ARHGAP24: variants seen among roughly 807,000 people sequenced by gnomAD.
ARHGAP24 encodes the protein rho GTPase-activating protein 24.
Under a neutral mutation model 76.4 loss-of-function variants are expected in ARHGAP24, and 50 were observed. The observed-to-expected ratio is 0.65, with a 90% CI of 0.52 to 0.83. The LOEUF is 0.83. ARHGAP24 is among the 40% of genes least tolerant of loss of function. The probability of loss-of-function intolerance (pLI) is 0.00; values close to 1 mark genes in which losing one functional copy is unlikely to be tolerated. For missense variants in ARHGAP24, 930 were observed against 914.2 expected (o/e 1.02, Z -0.22); for synonymous variants, 345 against 323.3 (o/e 1.07, Z -0.72).
intron 3 of ARHGAP24, among the ~76,000 whole-genome samples, chr4:85,797,233 C>T (rs1190841777): frequency 6.6e-6 from 1 of 151,674 alleles, no homozygotes; most frequent in South Asian, 2.1e-4. Flanking sequence ...AGTGCAGTGG[C>T]GCAATCTCGG....
chr4:85,834,473 C>T (rs888843800), intron 3 of ARHGAP24, among the ~76,000 whole-genome samples: 2 of 152,148 alleles, frequency 1.3e-5, no homozygotes, highest in Non-Finnish European at 2.9e-5. Flanking sequence ...TCACCCATCT[C>T]GCCACTTGCC....
At chr4:85,765,969 T>C in intron 3 of ARHGAP24, among the ~76,000 whole-genome samples, 1 of 152,192 alleles carries the variant, frequency 6.6e-6, no homozygotes, top group East Asian at 1.9e-4. Context: ...CAGGAATTTA[T>C]TTTATTTTCA....
chr4:85,768,243 A>AGAT (rs891733585), intron 3 of ARHGAP24, among the ~76,000 whole-genome samples: 11 of 152,210 alleles, frequency 7.2e-5, no homozygotes, highest in African/African-American at 2.7e-4. Context: ...CAAAATCTAA[A>AGAT]GATTGGATTT....
chr4:85,722,442 T>G (rs1039492083), intron 3 of ARHGAP24: 1 of 187,510 alleles, frequency 5.3e-6, no homozygotes, highest in East Asian at 1.4e-4. Flanking sequence ...TACTTAATAC[T>G]TGTAATACTG....
intron 3 of ARHGAP24, among the ~76,000 whole-genome samples, chr4:85,738,467 A>T (rs2624019): frequency 0.94 from 140,480 of 149,538 alleles, 66,648 homozygotes; most frequent in East Asian, 1. Flanking sequence ...TACAAACCTC[A>T]TGTCAGATAT....
intron 2 of ARHGAP24, among the ~76,000 whole-genome samples, chr4:85,673,261 T>G (rs1291396773): frequency 6.6e-6 from 1 of 152,220 alleles, no homozygotes; most frequent in African/African-American, 2.4e-5. Flanking sequence ...TTGGGACAGC[T>G]CTTTATCTTC....
At chr4:85,477,767 T>C (rs1033073784) in intron 1 of ARHGAP24, among the ~76,000 whole-genome samples, 1 of 152,214 alleles carries the variant, frequency 6.6e-6, no homozygotes, top group African/African-American at 2.4e-5. Context: ...ACGAGTGTTT[T>C]CTTTCCGGCT....
At chr4:85,586,073 C>T (rs1338508376) in intron 2 of ARHGAP24, among the ~76,000 whole-genome samples, 2 of 152,142 alleles carry the variant, frequency 1.3e-5, no homozygotes, top group Non-Finnish European at 2.9e-5. Flanking sequence ...GGAGCATTTG[C>T]CCCACTCTGG....
intron 3 of ARHGAP24, among the ~76,000 whole-genome samples, chr4:85,776,343 ATACAGTGAG>A (rs1463133294): frequency 6.6e-6 from 1 of 152,188 alleles, no homozygotes; most frequent in Non-Finnish European, 1.5e-5. Flanking sequence ...AATCTTCAAA[ATACAGTGAG>A]TATTCCCCAC....
intron 1 of ARHGAP24, among the ~76,000 whole-genome samples, chr4:85,508,067 T>A (rs114111945): frequency 0.02 from 2,859 of 143,838 alleles, 94 homozygotes; most frequent in African/African-American, 0.067. Context: ...TTTTTTTTTT[T>A]AATTCTTAGG....
chr4:85,827,461 C>CGTGTGTGTGTGTGTGTGTGTGTGT (rs56379272), intron 3 of ARHGAP24, among the ~76,000 whole-genome samples: 23 of 108,712 alleles, frequency 2.1e-4, no homozygotes, highest in Non-Finnish European at 2.9e-4. Flanking sequence ...GAAGTCTGCC[C>CGTGTGTGTGTGTGTGTGTGTGTGT]GTGTGTGTGT....
At chr4:85,556,464 G>A (rs1230987654) in intron 1 of ARHGAP24, among the ~76,000 whole-genome samples, 1 of 152,116 alleles carries the variant, frequency 6.6e-6, no homozygotes, top group East Asian at 1.9e-4. Context: ...GCTTGCTGGA[G>A]GTTTCAGCAT....
At chr4:85,739,282 T>G (rs2110058820) in intron 3 of ARHGAP24, among the ~76,000 whole-genome samples, 1 of 152,318 alleles carries the variant, frequency 6.6e-6, no homozygotes, top group East Asian at 1.9e-4. Flanking sequence ...GTGGTCAATA[T>G]GCATTTAACT....
intron 4 of ARHGAP24, among the ~76,000 whole-genome samples, 188 bp from the exon 5 acceptor site, chr4:85,941,878 A>C (rs1431159815): frequency 6.6e-6 from 1 of 152,210 alleles, no homozygotes; most frequent in Admixed American, 6.5e-5. Flanking sequence ...AGGCAGCATA[A>C]GGTAAATCAT....
intron 5 of ARHGAP24, among the ~76,000 whole-genome samples, chr4:85,961,059 A>G (rs1418734361): frequency 6.6e-6 from 1 of 152,102 alleles, no homozygotes; most frequent in Non-Finnish European, 1.5e-5. Context: ...GACCCCTCTT[A>G]CAAAGTAGTC....
chr4:85,961,611 G>A (rs1738257053), intron 5 of ARHGAP24, among the ~76,000 whole-genome samples: 1 of 152,052 alleles, frequency 6.6e-6, no homozygotes, highest in African/African-American at 2.4e-5. Flanking sequence ...TGAGTGACAT[G>A]CAGTAAAGTC....
intron 2 of ARHGAP24, among the ~76,000 whole-genome samples, chr4:85,668,733 C>T (rs968863907): frequency 4.6e-5 from 7 of 152,078 alleles, no homozygotes; most frequent in Admixed American, 2.0e-4. Flanking sequence ...TGATAGGCCT[C>T]ATGATCCAAT....
At chr4:85,635,757 A>G (rs2109966290) in intron 2 of ARHGAP24, among the ~76,000 whole-genome samples, 1 of 152,038 alleles carries the variant, frequency 6.6e-6, no homozygotes, top group South Asian at 2.1e-4. Context: ...TTCTAGGACC[A>G]TATCTATTTT....
At chr4:85,729,760 T>TA (rs1184695258) in intron 3 of ARHGAP24, among the ~76,000 whole-genome samples, 1 of 152,212 alleles carries the variant, frequency 6.6e-6, no homozygotes, top group African/African-American at 2.4e-5. Flanking sequence ...AAAATTTACT[T>TA]ATGGTCACTG....
Sources: allele counts gnomAD v4.1 joint callset (sites outside exome capture counted in the v4.1 genomes callset), GRCh38; gene constraint gnomAD v4.1.1; transcripts MANE v1.5; gene names NCBI Gene and HGNC (gene_info 2026-07-23, HGNC 2026-07-21).